Variants in ELK3 observed in about 807,000 individuals in gnomAD.
ELK3 encodes the protein ETS domain-containing protein Elk-3.
ELK3 carries 10 observed loss-of-function variants against 28.9 expected under a neutral mutation model. The observed-to-expected ratio is 0.35, with a 90% confidence interval of 0.21 to 0.59. The LOEUF (loss-of-function observed/expected upper bound fraction) is 0.59, where lower values mean the gene tolerates loss of function less well. ELK3 is among the 20% of genes least tolerant of loss of function. The probability of loss-of-function intolerance (pLI) is 0.82; values close to 1 mark genes in which losing one functional copy is unlikely to be tolerated. For missense variants in ELK3, 463 were observed against 517.3 expected, an observed-to-expected ratio of 0.90 and a Z score of 1.02; for synonymous variants, 272 against 243.5, an observed-to-expected ratio of 1.12 and a Z score of -1.09.
intron 1 of ELK3, among the ~76,000 whole-genome samples, chr12:96,211,135 C>T (rs1190950347): frequency 6.6e-6 from 1 of 152,154 alleles, no homozygotes; most frequent in Non-Finnish European, 1.5e-5. Flanking sequence ...ATGTATAAAG[C>T]ACTCAGCACA....
At chr12:96,195,706 C>T (rs1225017375) in intron 1 of ELK3, among the ~76,000 whole-genome samples, 2 of 152,056 alleles carry the variant, frequency 1.3e-5, no homozygotes, top group Non-Finnish European at 2.9e-5. Context: ...TGTCTGGAAA[C>T]GGCAAGACTA....
chr12:96,208,965 G>C (rs2268508), intron 1 of ELK3, among the ~76,000 whole-genome samples: 47,438 of 152,074 alleles, frequency 0.31, 7,771 homozygotes, highest in East Asian at 0.6. Context: ...CAGCTGTGCA[G>C]ACTTCCCGGT....
chr12:96,199,464 C>T (rs1951494266), intron 1 of ELK3, among the ~76,000 whole-genome samples: 1 of 146,076 alleles, frequency 6.8e-6, no homozygotes. Context: ...AGAGCAGCCC[C>T]AGTAAATAAA....
At chr12:96,266,551 T>C (rs1179473037) in intron 4 of ELK3, among the ~76,000 whole-genome samples, 1 of 152,056 alleles carries the variant, frequency 6.6e-6, no homozygotes, top group Non-Finnish European at 1.5e-5. Context: ...CTTTCTTAGC[T>C]CCAAAATAAT....
At chr12:96,252,491 A>G (rs1220527541) in intron 3 of ELK3, among the ~76,000 whole-genome samples, 3 of 152,138 alleles carry the variant, frequency 2.0e-5, no homozygotes, top group Admixed American at 1.3e-4. Flanking sequence ...CCTAGATGCT[A>G]TTAAGAATAT....
chr12:96,250,565 C>T (rs760898825), intron 3 of ELK3, among the ~76,000 whole-genome samples: 1 of 152,182 alleles, frequency 6.6e-6, no homozygotes, highest in Non-Finnish European at 1.5e-5. Context: ...CCAGAAACAG[C>T]GTGGCTCTCA....
At chr12:96,234,496 G>A (rs1028926983) in intron 2 of ELK3, among the ~76,000 whole-genome samples, 4 of 151,920 alleles carry the variant, frequency 2.6e-5, no homozygotes, top group East Asian at 3.9e-4. Flanking sequence ...CCCACCACCC[G>A]CCGTCCACCC....
intron 1 of ELK3, among the ~76,000 whole-genome samples, chr12:96,196,806 A>G (rs1163424360): frequency 1.3e-5 from 2 of 150,922 alleles, no homozygotes; most frequent in African/African-American, 4.9e-5. Flanking sequence ...GCGTTACTAA[A>G]AAGGGTCAAA....
chr12:96,209,299 A>T (rs1335113477), intron 1 of ELK3, among the ~76,000 whole-genome samples: 1 of 151,808 alleles, frequency 6.6e-6, no homozygotes, highest in Non-Finnish European at 1.5e-5. Flanking sequence ...AGGAATTCCT[A>T]CCTTTTGCCT....
At chr12:96,252,824 T>A (rs1284212671) in intron 3 of ELK3, among the ~76,000 whole-genome samples, 1 of 152,248 alleles carries the variant, frequency 6.6e-6, no homozygotes, top group African/African-American at 2.4e-5. Flanking sequence ...CTGAGAATAT[T>A]ACATAACTTT....
In ELK3 at chr12:96,247,389, G is replaced by T. The variant is rs374785572; in HGVS notation, c.657G>T (p.Ser219=). Residue 219 remains serine, a synonymous_variant, in exon 3 of 5, where the codon TCG becomes TCT. Coordinates refer to ENST00000228741, the MANE Select transcript of ELK3 (RefSeq NM_005230.4). The surrounding 1 kb of genome is among the most constrained non-coding windows in gnomAD (Gnocchi z 5.5). ...AASAFLASSV[S]AKISSLMLPN... is the part of the protein sequence containing the mutation. ...CCGCCTTCCTGGCCTCGTCCGTCTC[G>T]GCCAAGATCTCCTCTTTAATGTTGC... 3 of 1,614,094 alleles carry T rather than the reference G, an allele frequency of 1.9e-6. No individual in the cohort carries two copies. The highest frequency in any genetic ancestry group is 3.3e-5 in the Admixed American group (2 of 60,018).
At chr12:96,231,641 T>C (rs1771456500) in intron 2 of ELK3, among the ~76,000 whole-genome samples, 1 of 152,108 alleles carries the variant, frequency 6.6e-6, no homozygotes, top group Non-Finnish European at 1.5e-5. Context: ...TACAGGTGCG[T>C]CCCACCATTC....
At chr12:96,221,946 C>T (rs988393760) in intron 1 of ELK3, among the ~76,000 whole-genome samples, 18 of 152,074 alleles carry the variant, frequency 1.2e-4, no homozygotes, top group Admixed American at 1.2e-3. Flanking sequence ...GGCAATTATT[C>T]TGGCTTCCAG....
At chr12:96,253,849 T>C (rs1294172934) in intron 3 of ELK3, among the ~76,000 whole-genome samples, 2 of 152,212 alleles carry the variant, frequency 1.3e-5, no homozygotes, top group African/African-American at 4.8e-5. Context: ...AACTAAGCAT[T>C]CGCTTAGATA....
chr12:96,218,334 C>G (rs548209727), intron 1 of ELK3, among the ~76,000 whole-genome samples: 1 of 152,324 alleles, frequency 6.6e-6, no homozygotes, highest in African/African-American at 2.4e-5. Context: ...TAAAAGCAGA[C>G]TGATGGGCCT....
Position 96,267,252 on chromosome 12 carries a change from G to T in ELK3, c.*72G>T. The T allele has an allele frequency of 7.7e-7, 1 of 1,302,298 alleles. No individual in the cohort carries two copies. 80.7% of individuals were successfully genotyped at this position (1,302,298 alleles called of 1,614,324 possible). On this transcript the variant is annotated 3_prime_UTR_variant, in exon 5 of 5. Coordinates refer to ENST00000228741, the MANE Select transcript of ELK3 (RefSeq NM_005230.4). ...TGTCCCCACGGGCTAGTTTACCTGT[G>T]TCGTGAGAAGGACATTGTGAAACTC...
At chr12:96,227,984 C>T (rs569768977) in intron 2 of ELK3, among the ~76,000 whole-genome samples, 1 of 152,122 alleles carries the variant, frequency 6.6e-6, no homozygotes, top group Admixed American at 6.6e-5. Context: ...GTTTCTCTAT[C>T]ACTAATTTGA....
intron 2 of ELK3, among the ~76,000 whole-genome samples, chr12:96,226,065 G>A (rs923768700): frequency 6.6e-6 from 1 of 152,160 alleles, no homozygotes; most frequent in African/African-American, 2.4e-5. Context: ...CTGGGAGTTT[G>A]AGACTGCAGT....
chr12:96,204,833 C>T (rs1269787295), intron 1 of ELK3, among the ~76,000 whole-genome samples: 1 of 152,220 alleles, frequency 6.6e-6, no homozygotes, highest in African/African-American at 2.4e-5. Flanking sequence ...CTCTGGTTAA[C>T]GCTCATTGAA....
Sources: allele counts gnomAD v4.1 joint callset (sites outside exome capture counted in the v4.1 genomes callset), GRCh38; gene constraint gnomAD v4.1.1; non-coding constraint Gnocchi (gnomAD v3.1); transcripts MANE v1.5; gene names NCBI Gene and HGNC (gene_info 2026-07-23, HGNC 2026-07-21).